GRIA3: variants seen among roughly 807,000 people sequenced by gnomAD.
The protein encoded by GRIA3 is glutamate ionotropic receptor AMPA type subunit 3.
In GRIA3, 3 loss-of-function variants were observed where a neutral mutation model predicts 63.0. That is an observed-to-expected ratio of 0.05 (90% CI 0.02 to 0.12). The LOEUF (loss-of-function observed/expected upper bound fraction) is 0.12, where lower values mean the gene tolerates loss of function less well. GRIA3 is among the 10% of genes least tolerant of loss of function. GRIA3 has a pLI of 1.00. For missense variants in GRIA3, 347 were observed against 700.9 expected, an observed-to-expected ratio of 0.50 and a Z score of 5.70; for synonymous variants, 274 against 257.9, an observed-to-expected ratio of 1.06 and a Z score of -0.60.
intron 5 of GRIA3, among the ~76,000 whole-genome samples, chrX:123,362,477 A>G (rs2045181960): frequency 9.0e-6 from 1 of 111,551 alleles, no homozygotes; most frequent in Non-Finnish European, 1.9e-5. Context: ...CCTGAGGCAG[A>G]AAACAGCTTG....
At chrX:123,255,736 G>A (rs2044416083) in intron 3 of GRIA3, among the ~76,000 whole-genome samples, 1 of 109,243 alleles carries the variant, frequency 9.2e-6, no homozygotes, top group Non-Finnish European at 1.9e-5. Context: ...TGGAGTCAAA[G>A]AAAGCTTTCT....
chrX:123,429,517 T>C (rs1394646127), intron 12 of GRIA3, among the ~76,000 whole-genome samples: 1 of 111,829 alleles, frequency 8.9e-6, no homozygotes, highest in Non-Finnish European at 1.9e-5. Context: ...CTCACTACTA[T>C]GGCAGTCCCA....
chrX:123,269,269 C>T (rs2044506387), intron 3 of GRIA3, among the ~76,000 whole-genome samples: 1 of 112,136 alleles, frequency 8.9e-6, no homozygotes, highest in Admixed American at 9.5e-5. Context: ...TGGCTGTTTC[C>T]TCACCAATAA....
intron 5 of GRIA3, among the ~76,000 whole-genome samples, chrX:123,360,289 A>G (rs1372168672): frequency 9.0e-6 from 1 of 110,909 alleles, no homozygotes; most frequent in Non-Finnish European, 1.9e-5. Flanking sequence ...CACAAAGGTC[A>G]CATAAAAGCA....
intron 3 of GRIA3, among the ~76,000 whole-genome samples, chrX:123,265,572 G>A (rs1359985376): frequency 8.9e-6 from 1 of 111,972 alleles, no homozygotes; most frequent in East Asian, 2.8e-4. Context: ...AAGAGGAAGA[G>A]GAGAAGTTGG....
intron 3 of GRIA3, among the ~76,000 whole-genome samples, chrX:123,308,035 G>T (rs977521912): frequency 9.0e-6 from 1 of 110,962 alleles, no homozygotes; most frequent in Non-Finnish European, 1.9e-5. Context: ...CTTTGACTTG[G>T]GCCTAGGTTG....
At chrX:123,346,615 C>A (rs928346505) in intron 4 of GRIA3, among the ~76,000 whole-genome samples, 2 of 112,566 alleles carry the variant, frequency 1.8e-5, no homozygotes, top group African/African-American at 6.5e-5. Context: ...TAGTTGGAGA[C>A]AAAGTACTTT....
At chrX:123,481,238 G>A (rs1410248383) in intron 14 of GRIA3, among the ~76,000 whole-genome samples, 1 of 112,226 alleles carries the variant, frequency 8.9e-6, no homozygotes, top group Non-Finnish European at 1.9e-5. Flanking sequence ...CCAATGGACT[G>A]TGGAACATCC....
chrX:123,453,228 C>A (rs1279802284), intron 12 of GRIA3, among the ~76,000 whole-genome samples: 3 of 111,571 alleles, frequency 2.7e-5, no homozygotes, highest in African/African-American at 9.8e-5. Flanking sequence ...AGGATGAGTT[C>A]ATGTCCTTTG....
intron 2 of GRIA3, among the ~76,000 whole-genome samples, chrX:123,251,907 G>T (rs1024864755): frequency 8.9e-6 from 1 of 112,076 alleles, no homozygotes; most frequent in African/African-American, 3.2e-5. Context: ...AAAGAGAACA[G>T]CTCTAATCAA....
At chrX:123,261,576 G>A (rs933907997) in intron 3 of GRIA3, among the ~76,000 whole-genome samples, 1 of 111,518 alleles carries the variant, frequency 9.0e-6, no homozygotes, top group Non-Finnish European at 1.9e-5. Context: ...TTCTCTCTTG[G>A]GTTGTCCTTC....
intron 12 of GRIA3, among the ~76,000 whole-genome samples, chrX:123,429,453 A>AG (rs1477921201): frequency 2.7e-5 from 3 of 111,837 alleles, no homozygotes; most frequent in Non-Finnish European, 1.9e-5. Context: ...AACTGGGAGG[A>AG]GGGGTCCAAT....
At chrX:123,318,162 G>A (rs1053115842) in intron 3 of GRIA3, among the ~76,000 whole-genome samples, 14 of 111,967 alleles carry the variant, frequency 1.3e-4, no homozygotes, top group Non-Finnish European at 1.9e-4. Context: ...CACACAGCAC[G>A]GGGACCCTGG....
chrX:123,316,069 G>A (rs2044829471), intron 3 of GRIA3, among the ~76,000 whole-genome samples: 1 of 105,161 alleles, frequency 9.5e-6, no homozygotes, highest in Non-Finnish European at 1.9e-5. Context: ...TGATGAAAAA[G>A]AATATTAATT....
intron 12 of GRIA3, among the ~76,000 whole-genome samples, chrX:123,455,183 A>G (rs490293): frequency 0.031 from 3,432 of 111,924 alleles, 124 homozygotes; most frequent in African/African-American, 0.11. Flanking sequence ...TAGAAAAACT[A>G]AGAATAGAAA....
intron 13 of GRIA3, among the ~76,000 whole-genome samples, chrX:123,472,710 T>C (rs747023298): frequency 9.0e-6 from 1 of 111,616 alleles, no homozygotes; most frequent in East Asian, 2.8e-4. Flanking sequence ...GGTCTACTGC[T>C]CTGTATTTGA....
chrX:123,277,142 T>C (rs762529011), intron 3 of GRIA3, among the ~76,000 whole-genome samples: 193 of 110,343 alleles, frequency 1.7e-3, no homozygotes, highest in Admixed American at 3.9e-3. Context: ...GTGAGTACAT[T>C]GTAGGTGTAT....
intron 5 of GRIA3, among the ~76,000 whole-genome samples, chrX:123,390,364 C>T (rs1465201360): frequency 8.9e-6 from 1 of 112,033 alleles, no homozygotes; most frequent in Non-Finnish European, 1.9e-5. Context: ...ATTTCTCCTT[C>T]ATTTATGAAA....
intron 3 of GRIA3, among the ~76,000 whole-genome samples, chrX:123,261,186 A>T (rs1389831798): frequency 9.0e-6 from 1 of 111,016 alleles, no homozygotes; most frequent in Non-Finnish European, 1.9e-5. Context: ...AAGACATTAA[A>T]CTACCCTTTC....
Sources: gnomAD v4.1 joint callset for allele counts (sites outside exome capture counted in the v4.1 genomes callset) on GRCh38, gnomAD v4.1.1 for gene constraint, MANE v1.5 for transcripts, NCBI Gene and HGNC (gene_info 2026-07-23, HGNC 2026-07-21) for gene names.